PNPLA7: variants seen among roughly 807,000 people sequenced by gnomAD.
The protein encoded by PNPLA7 is patatin like domain 7, lysophospholipase.
A neutral mutation model predicts 161.7 loss-of-function variants in PNPLA7; 153 were observed. That is an observed-to-expected ratio of 0.95 (90% CI 0.83 to 1.08). The LOEUF (loss-of-function observed/expected upper bound fraction) is 1.08, where lower values mean the gene tolerates loss of function less well. Ranked by LOEUF, PNPLA7 falls within the 50% of genes least tolerant of loss-of-function variation. The pLI is 0.00. For synonymous variants in PNPLA7, 809 were observed against 782.1 expected (o/e 1.03, Z -0.57); for missense variants, 1,739 against 1,856.6 (o/e 0.94, Z 1.16).
chr9:137,540,564 T>C lies in PNPLA7; in HGVS notation c.747+78A>G. On this transcript the variant is annotated intron_variant, in intron 8 of 34. Transcript: ENST00000406427. The surrounding 1 kb of genome is among the most constrained non-coding windows in gnomAD (Gnocchi z 5.1). ...GAACTGGCCTTTAACCACTACCAGC[T>C]GTCCAGACAAGACAGAAAAACCAGG... 1 of 1,292,404 alleles carries C rather than the reference T, an allele frequency of 7.7e-7. No individual in the cohort carries two copies. The highest frequency in any genetic ancestry group is 1.3e-5 in the South Asian group (1 of 79,556). 80.1% of individuals were successfully genotyped at this position (1,292,404 alleles called of 1,614,324 possible).
intron 12 of PNPLA7, among the ~76,000 whole-genome samples, chr9:137,506,626 G>C (rs1277953965): frequency 2.0e-5 from 3 of 152,180 alleles, no homozygotes; most frequent in Non-Finnish European, 4.4e-5. Context: ...TGGAGGGAGG[G>C]GGTTGAGGCA....
chr9:137,485,347 G>A (rs1832424192), intron 20 of PNPLA7, among the ~76,000 whole-genome samples: 1 of 150,606 alleles, frequency 6.6e-6, no homozygotes, highest in East Asian at 1.9e-4. Context: ...GGCCTCACTG[G>A]AGTAAACCAG....
intron 21 of PNPLA7, among the ~76,000 whole-genome samples, chr9:137,483,215 C>T (rs1274453775): frequency 6.6e-6 from 1 of 152,060 alleles, no homozygotes; most frequent in African/African-American, 2.4e-5. Flanking sequence ...TGACGTGGGA[C>T]AGCTCCACCG....
rs916904763 is a variant in PNPLA7 at position 137,523,683 on chromosome 9, A to G, written c.748-826T>C. 5.3e-5 allele frequency among the ~76,000 whole-genome samples: 8 copies of G among 150,876 alleles called. No individual in the cohort carries two copies. The East Asian group carries it at 5.9e-4, about 11-fold the overall frequency. On this transcript the variant is annotated intron_variant, in intron 8 of 34. Coordinates refer to ENST00000406427, the MANE Select transcript of PNPLA7 (RefSeq NM_001098537.3). The surrounding 1 kb of genome is among the most constrained non-coding windows in gnomAD (Gnocchi z 4.4). ...GTTCTGTCGTCCAGGCTGGAGTGCAATGGCGTGATCTTGGCTCACTGCAAG... is the reference window on the plus strand; with the variant it reads ...GTTCTGTCGTCCAGGCTGGAGTGCAGTGGCGTGATCTTGGCTCACTGCAAG...
At chr9:137,545,876 C>T (rs544927297) in intron 4 of PNPLA7, among the ~76,000 whole-genome samples, 3 of 152,266 alleles carry the variant, frequency 2.0e-5, no homozygotes, top group South Asian at 2.1e-4. Flanking sequence ...CGTGATCTAG[C>T]GGTAGCGTCA....
At chr9:137,481,753 C>T (rs570530526) in intron 21 of PNPLA7, among the ~76,000 whole-genome samples, 3 of 152,154 alleles carry the variant, frequency 2.0e-5, no homozygotes, top group East Asian at 1.9e-4. Context: ...TCAGGAGATC[C>T]GGTGAAACTC....
At chr9:137,496,108 T>C (rs1833042118) in intron 18 of PNPLA7, among the ~76,000 whole-genome samples, 1 of 150,842 alleles carries the variant, frequency 6.6e-6, no homozygotes, top group African/African-American at 2.4e-5. Context: ...CACACACTGT[T>C]TTTTTTTTTC....
At chr9:137,461,395 A>G in intron 33 of PNPLA7, 141 bp downstream of exon 33, 1 of 921,734 alleles carries the variant, frequency 1.1e-6, no homozygotes, top group Non-Finnish European at 1.6e-6. Context: ...GAGTGCCACC[A>G]AGCACCCCAG....
intron 8 of PNPLA7, among the ~76,000 whole-genome samples, chr9:137,525,839 AGCAGT>A (rs1461527319): frequency 6.7e-6 from 1 of 149,822 alleles, no homozygotes; most frequent in Non-Finnish European, 1.5e-5. Flanking sequence ...TGGTCTGCTA[AGCAGT>A]GGGTGTCTTC....
chr9:137,525,493 G>A (rs1030133986), intron 8 of PNPLA7, among the ~76,000 whole-genome samples: 5 of 152,206 alleles, frequency 3.3e-5, no homozygotes. Flanking sequence ...CGTGAGTCAC[G>A]TGTCCACCGG....
rs1831528555 is a variant in PNPLA7 at position 137,467,412 on chromosome 9, C to A, written c.2944G>T (p.Val982Leu). 2 of 1,613,362 alleles carry A rather than the reference C, an allele frequency of 1.2e-6. No homozygotes were observed. Among genetic ancestry groups the A allele is most frequent in the African/African-American group, 2.7e-5 (2 of 74,946 alleles). The change falls in exon 26 of 35, where the codon GTG becomes TTG. Residue 982 changes from valine (V) to leucine (L), a missense_variant. Val to Leu is a conservative substitution (Grantham distance 32). Transcript: ENST00000406427. This position sits in a 1 kb window ranked among gnomAD's most constrained non-coding sequence, Gnocchi z 5.1. Reference protein sequence around the residue: ...LAECGIPVDMVGGTSIGAFVG... With the variant: ...LAECGIPVDMLGGTSIGAFVG... ...AAGGCCCCGATGGACGTGCCTCCCA[C>A]CATGTCCACAGGGATGCCGCACTCC...
chr9:137,540,773 G>A lies in PNPLA7; in HGVS notation c.667-51C>T, dbSNP rs1396223984. ...CCGTCAGGTCTGGGGCTGCGACCGC[G>A]GGGCCTGGCGGAGGCTCAGCCCAGC... On this transcript the variant is annotated intron_variant, in intron 7 of 34. Coordinates refer to ENST00000406427, the MANE Select transcript of PNPLA7 (RefSeq NM_001098537.3). The surrounding 1 kb of genome is among the most constrained non-coding windows in gnomAD (Gnocchi z 5.1). 11 of 1,524,106 alleles carry A rather than the reference G, an allele frequency of 7.2e-6. No individual in the cohort carries two copies. The highest frequency in any genetic ancestry group is 2.4e-5 in the East Asian group (1 of 42,126). The allele number at this position is 1,524,106 out of a possible 1,614,324, so 94.4% of individuals were successfully genotyped here.
chr9:137,487,386 A>G (rs1832540810), intron 20 of PNPLA7, among the ~76,000 whole-genome samples: 1 of 152,232 alleles, frequency 6.6e-6, no homozygotes, highest in African/African-American at 2.4e-5. Flanking sequence ...GGGCTGGCCA[A>G]GTGTCGCCGT....
At chr9:137,514,705 G>A (rs1346876896) in intron 12 of PNPLA7, among the ~76,000 whole-genome samples, 1 of 138,454 alleles carries the variant, frequency 7.2e-6, no homozygotes, top group Non-Finnish European at 1.6e-5. Context: ...GGATGTTGAT[G>A]TGCCCGGGCC....
Position 137,476,022 on chromosome 9 carries a change from T to C in PNPLA7, c.2882+2012A>G, listed in dbSNP as rs568260380. Among the ~76,000 whole-genome samples, 13 of 152,272 alleles carry C rather than the reference T, an allele frequency of 8.5e-5. No individual in the cohort carries two copies. In the East Asian group the frequency reaches 2.1e-3, roughly 25 times the overall value. ...AGACATGAAATTACAGGAAATGGAA[T>C]TGAACACAGGAGAGAAACAAAGGCA... On this transcript the variant is annotated intron_variant, in intron 25 of 34. Transcript: ENST00000406427. The surrounding 1 kb of genome is among the most constrained non-coding windows in gnomAD (Gnocchi z 4.5).
At chr9:137,542,564 A>C (rs1836261875) in intron 7 of PNPLA7, 78 bp downstream of exon 7, 1 of 1,392,336 alleles carries the variant, frequency 7.2e-7, no homozygotes. Context: ...TCAATGAGAA[A>C]CGTTTTACAG....
In PNPLA7 at chr9:137,501,743, A is replaced by G; in HGVS notation, c.1474-16T>C. The G allele has an allele frequency of 1.2e-6, 2 of 1,611,372 alleles. No individual in the cohort carries two copies. The highest frequency in any genetic ancestry group is 1.7e-6 in the Non-Finnish European group (2 of 1,179,128). On this transcript the variant is annotated splice_polypyrimidine_tract_variant and intron_variant, in intron 14 of 34. Transcript: ENST00000406427. ...GAGATGAGTCCTAAAAACAGAGCAG[A>G]CTTCAGGGAACACGGGCGGGAAGCA...
At position 137,543,899 on chromosome 9, in the gene PNPLA7, C is replaced by A; in HGVS notation, c.274-84G>T. ...TTGCCATGGGGATCAGTCCTCAGGA[C>A]CTGCCTGTGGGCCTCCCACAGTCCC... On this transcript the variant is annotated intron_variant, in intron 4 of 34. Transcript: ENST00000406427. This position sits in a 1 kb window ranked among gnomAD's most constrained non-coding sequence, Gnocchi z 6.9. 2.5e-6 allele frequency: 3 copies of A among 1,201,224 alleles called. No individual in the cohort carries two copies. Among genetic ancestry groups the A allele is most frequent in the Non-Finnish European group, 3.7e-6 (3 of 813,572 alleles). The allele number at this position is 1,201,224 out of a possible 1,614,324, so 74.4% of individuals were successfully genotyped here.
chr9:137,466,638 A>ACCG (rs1831479437), intron 26 of PNPLA7, among the ~76,000 whole-genome samples: 1 of 122,624 alleles, frequency 8.2e-6, no homozygotes, highest in African/African-American at 3.2e-5. Flanking sequence ...TCCTACCACC[A>ACCG]TCTCCATCAC....
Sources: allele counts gnomAD v4.1 joint callset (sites outside exome capture counted in the v4.1 genomes callset), GRCh38; gene constraint gnomAD v4.1.1; non-coding constraint Gnocchi (gnomAD v3.1); transcripts MANE v1.5; gene names NCBI Gene and HGNC (gene_info 2026-07-23, HGNC 2026-07-21).